ABAT: variants seen among roughly 807,000 people sequenced by gnomAD.
The protein encoded by ABAT is 4-aminobutyrate aminotransferase, also known as 4-aminobutyrate aminotransferase, mitochondrial.
A neutral mutation model predicts 64.6 loss-of-function variants in ABAT; 45 were observed. That is an observed-to-expected ratio of 0.70 (90% CI 0.55 to 0.89). The LOEUF is 0.89. ABAT is among the 40% of genes least tolerant of loss of function. The pLI is 0.00. For missense variants in ABAT, 633 were observed against 658.4 expected (o/e 0.96, Z 0.42); for synonymous variants, 297 against 250.5 (o/e 1.19, Z -1.75).
chr16:8,748,763 A>G (rs751371802), intron 4 of ABAT, among the ~76,000 whole-genome samples: 1 of 152,092 alleles, frequency 6.6e-6, no homozygotes, highest in Non-Finnish European at 1.5e-5. Context: ...TTGACCCTTT[A>G]TAATATTCTC....
At chr16:8,733,925 TA>T (rs1413224686) in intron 1 of ABAT, among the ~76,000 whole-genome samples, 5 of 152,232 alleles carry the variant, frequency 3.3e-5, no homozygotes, top group Non-Finnish European at 7.3e-5. Context: ...TCACTTAGCA[TA>T]ATGTCTTCCA....
chr16:8,692,095 G>A (rs560056262), intron 1 of ABAT, among the ~76,000 whole-genome samples: 214 of 152,216 alleles, frequency 1.4e-3, no homozygotes, highest in Non-Finnish European at 2.1e-3. Flanking sequence ...TCAGTAAAAC[G>A]TGGGCCAGTC....
At position 8,779,535 on chromosome 16, in the gene ABAT, C is replaced by T. The variant is rs201566019; in HGVS notation, c.1326C>T (p.Phe442=). The change falls in exon 15 of 16, where the codon TTC becomes TTT. Residue 442 remains phenylalanine (F), a synonymous_variant. Transcript: ENST00000268251. ...RVRGRGTFCS[F]DTPDDSIRNK... ...GAGGACGAGGCACCTTTTGCTCCTT[C>T]GATACTCCCGATGATTCCATACGGA... 4.3e-5 allele frequency: 69 copies of T among 1,614,174 alleles called. No homozygotes were observed. Among genetic ancestry groups the T allele is most frequent in the African/African-American group, 2.7e-5 (2 of 75,050 alleles).
chr16:8,691,688 C>T (rs1273362), intron 1 of ABAT, among the ~76,000 whole-genome samples: 2 of 151,954 alleles, frequency 1.3e-5, no homozygotes, highest in African/African-American at 2.4e-5. Flanking sequence ...CGATCCTCTG[C>T]CCTCAGCCTC....
Position 8,764,212 on chromosome 16 carries a change from T to A in ABAT, c.447+63T>A. ...TGGTACTGGCAGGGGAAGGGAAAAG[T>A]GGAGACGCCAACAATGAAGAATAAG... is the stretch of plus-strand genomic sequence containing the variant. On this transcript the variant is annotated intron_variant, in intron 7 of 15. Transcript: ENST00000268251. This position sits in a 1 kb window ranked among gnomAD's most constrained non-coding sequence, Gnocchi z 4.2. The A allele has an allele frequency of 7.5e-7, 1 of 1,332,116 alleles. No individual in the cohort carries two copies. Among genetic ancestry groups the A allele is most frequent in the Non-Finnish European group, 1.1e-6 (1 of 926,932 alleles). The allele number at this position is 1,332,116 out of a possible 1,614,324, so 82.5% of individuals were successfully genotyped here.
At chr16:8,716,860 C>G (rs1273391) in intron 1 of ABAT, among the ~76,000 whole-genome samples, 11,819 of 152,270 alleles carry the variant, frequency 0.078, 620 homozygotes, top group Middle Eastern at 0.18. Flanking sequence ...AGTACAGTAG[C>G]CGTTCATCAC....
intron 1 of ABAT, among the ~76,000 whole-genome samples, chr16:8,730,155 G>A (rs2058677866): frequency 6.6e-6 from 1 of 152,178 alleles, no homozygotes; most frequent in South Asian, 2.1e-4. Context: ...CACCAGCTGA[G>A]AGCCTGCACA....
intron 5 of ABAT, among the ~76,000 whole-genome samples, chr16:8,754,546 A>G (rs1427876694): frequency 6.6e-6 from 1 of 152,088 alleles, no homozygotes; most frequent in East Asian, 1.9e-4. Flanking sequence ...TCAGGCCATG[A>G]TATCAGCAAG....
intron 2 of ABAT, among the ~76,000 whole-genome samples, chr16:8,741,438 A>G (rs1000944530): frequency 2.0e-5 from 3 of 152,170 alleles, no homozygotes; most frequent in African/African-American, 7.2e-5. Context: ...TCTTGGGCAA[A>G]TTAATTAACC....
At chr16:8,677,987 G>T (rs1161176894) in intron 1 of ABAT, among the ~76,000 whole-genome samples, 1 of 151,970 alleles carries the variant, frequency 6.6e-6, no homozygotes, top group African/African-American at 2.4e-5. Flanking sequence ...TGAGCCCGGG[G>T]AGGTCGAAGC....
intron 13 of ABAT, among the ~76,000 whole-genome samples, chr16:8,775,725 C>T (rs775664139): frequency 2.0e-5 from 3 of 152,208 alleles, no homozygotes; most frequent in Non-Finnish European, 2.9e-5. Context: ...AAGGGAAGGA[C>T]AAAGTGGCCC....
At chr16:8,688,620 G>C (rs12925473) in intron 1 of ABAT, among the ~76,000 whole-genome samples, 35 of 152,054 alleles carry the variant, frequency 2.3e-4, no homozygotes, top group Non-Finnish European at 4.4e-4. Context: ...TGCCTCATTA[G>C]AGGCAAATAG....
Position 8,781,653 on chromosome 16 carries a change from G to C in ABAT, c.*223G>C. 1.6e-6 allele frequency: 1 copy of C among 627,908 alleles called. No homozygotes were observed. Among genetic ancestry groups the C allele is most frequent in the South Asian group, 1.8e-5 (1 of 56,126 alleles). 38.9% of individuals were successfully genotyped at this position (627,908 alleles called of 1,614,324 possible). A position where few individuals can be genotyped will look rare whatever the true frequency, so the allele number is the denominator to read the frequency against. On this transcript the variant is annotated 3_prime_UTR_variant, in exon 16 of 16. Coordinates refer to ENST00000268251, the MANE Select transcript of ABAT (RefSeq NM_020686.6). The surrounding 1 kb of genome is among the most constrained non-coding windows in gnomAD (Gnocchi z 4.5). ...GAGCCAATGGTGCACATTGGTTTAA[G>C]CCCAGAGATCCTGCTTGAGCCCTGG...
intron 5 of ABAT, 96 bp from the exon 6 acceptor site, chr16:8,757,661 G>GTTTTAAAGAGAGTTTTAAAGA (rs1218451143): frequency 2.1e-5 from 28 of 1,318,902 alleles, no homozygotes; most frequent in Non-Finnish European, 3.0e-5. Context: ...AGAGAGTTGG[G>GTTTTAAAGAGAGTTTTAAAGA]GGGTTGGAAA....
At chr16:8,761,578 T>C (rs1282339754) in intron 6 of ABAT, among the ~76,000 whole-genome samples, 1 of 152,226 alleles carries the variant, frequency 6.6e-6, no homozygotes, top group Non-Finnish European at 1.5e-5. Flanking sequence ...GGTTGGGTTG[T>C]TCTGCAGAGG....
At chr16:8,682,141 C>T (rs1024947099) in intron 1 of ABAT, among the ~76,000 whole-genome samples, 2 of 150,120 alleles carry the variant, frequency 1.3e-5, no homozygotes, top group African/African-American at 2.5e-5. Context: ...CTAAGACAGC[C>T]GTGTATATCT....
rs2060468274 is a variant in ABAT at position 8,782,711 on chromosome 16, G to C, written c.*1281G>C. 6.6e-6 allele frequency: 1 copy of C among 152,290 alleles called. No individual in the cohort carries two copies. The highest frequency in any genetic ancestry group is 1.5e-5 in the Non-Finnish European group (1 of 68,086). The allele number at this position is 152,290 out of a possible 1,614,324, so 9.4% of individuals were successfully genotyped here. ...CTGGAGGTGAGACACTCTGGGAACTGATTTGACCTCGAATGCTCCTAAAAG... is the reference window on the plus strand; with the variant it reads ...CTGGAGGTGAGACACTCTGGGAACTCATTTGACCTCGAATGCTCCTAAAAG... On this transcript the variant is annotated 3_prime_UTR_variant, in exon 16 of 16. Coordinates refer to ENST00000268251, the MANE Select transcript of ABAT (RefSeq NM_020686.6).
chr16:8,709,944 C>CTG lies in ABAT; in HGVS notation c.-41-25755_-41-25754insTG, dbSNP rs1212073532. ...TCCGCCGCCTGAGTAGCTGGGACTACAGACGTATGCTGCCACTCATAGCTG... is the reference window on the plus strand; with the variant it reads ...TCCGCCGCCTGAGTAGCTGGGACTACTGAGACGTATGCTGCCACTCATAGCTG... On this transcript the variant is annotated intron_variant, in intron 1 of 15. Coordinates refer to ENST00000268251, the MANE Select transcript of ABAT (RefSeq NM_020686.6). Among the ~76,000 whole-genome samples, 9 of 152,082 alleles carry CTG rather than the reference C, an allele frequency of 5.9e-5. No individual in the cohort carries two copies. The East Asian group carries it at 1.7e-3, about 29-fold the overall frequency.
Position 8,700,446 on chromosome 16 carries a change from A to C in ABAT, c.-42+25735A>C, listed in dbSNP as rs141562050. Reference sequence around the variant, plus strand: ...AAGATCTAGACCGTCCCCAGCCCCCAGAAAGTTCCCTCATACCCCAGTGGG... The same window carrying C: ...AAGATCTAGACCGTCCCCAGCCCCCCGAAAGTTCCCTCATACCCCAGTGGG... On this transcript the variant is annotated intron_variant, in intron 1 of 15. Coordinates refer to ENST00000268251, the MANE Select transcript of ABAT (RefSeq NM_020686.6). 3.4e-3 allele frequency among the ~76,000 whole-genome samples: 520 copies of C among 152,264 alleles called. 2 individuals carry two copies. The highest frequency in any genetic ancestry group is 0.012 in the African/African-American group (504 of 41,556).
Sources: allele counts gnomAD v4.1 joint callset (sites outside exome capture counted in the v4.1 genomes callset), GRCh38; gene constraint gnomAD v4.1.1; non-coding constraint Gnocchi (gnomAD v3.1); transcripts MANE v1.5; gene names NCBI Gene and HGNC (gene_info 2026-07-23, HGNC 2026-07-21).